CABIN1: variants seen among roughly 807,000 people sequenced by gnomAD.
CABIN1 encodes calcineurin binding protein 1, also known as calcineurin-binding protein cabin-1.
In CABIN1, 133 loss-of-function variants were observed where a neutral mutation model predicts 227.7. The observed-to-expected ratio is 0.58, with a 90% CI of 0.51 to 0.67. The LOEUF (loss-of-function observed/expected upper bound fraction) is 0.67, where lower values mean the gene tolerates loss of function less well. CABIN1 is among the 30% of genes least tolerant of loss of function. The pLI, the probability that CABIN1 is intolerant of heterozygous loss-of-function variation, is 0.00. For missense variants in CABIN1, 2,408 were observed against 2,852.5 expected (o/e 0.84, Z 3.55); for synonymous variants, 1,086 against 1,155.1 (o/e 0.94, Z 1.21).
intron 6 of CABIN1, among the ~76,000 whole-genome samples, chr22:24,045,685 C>G: frequency 6.6e-6 from 1 of 152,024 alleles, no homozygotes; most frequent in Non-Finnish European, 1.5e-5. Context: ...CACTTTCTGT[C>G]TTAGTTAGTT....
At chr22:24,016,421 T>C (rs1012673526) in intron 1 of CABIN1, among the ~76,000 whole-genome samples, 8 of 152,242 alleles carry the variant, frequency 5.3e-5, no homozygotes, top group African/African-American at 1.9e-4. Flanking sequence ...TTATGCATTA[T>C]TTTGAATTAT....
intron 29 of CABIN1, among the ~76,000 whole-genome samples, chr22:24,163,919 C>T (rs2046300421): frequency 6.6e-6 from 1 of 152,216 alleles, no homozygotes; most frequent in African/African-American, 2.4e-5. Flanking sequence ...ATCCCAGGAG[C>T]TGCAGATGAT....
intron 29 of CABIN1, among the ~76,000 whole-genome samples, chr22:24,148,879 C>T (rs1189359497): frequency 6.6e-6 from 1 of 152,236 alleles, no homozygotes; most frequent in Non-Finnish European, 1.5e-5. Context: ...GCGGCCATCC[C>T]AGAGAAGTCA....
At chr22:24,054,028 G>T (rs1220174482) in intron 8 of CABIN1, among the ~76,000 whole-genome samples, 2 of 152,198 alleles carry the variant, frequency 1.3e-5, no homozygotes, top group Admixed American at 1.3e-4. Context: ...CCAGCCCAAA[G>T]GCCCAGTGGC....
intron 26 of CABIN1, 94 bp downstream of exon 26, chr22:24,098,286 A>T (rs1426537914): frequency 2.5e-5 from 35 of 1,381,654 alleles, no homozygotes; most frequent in Admixed American, 1.2e-4. Context: ...CGTTTTGGTG[A>T]GGGGGGGTGC....
intron 29 of CABIN1, among the ~76,000 whole-genome samples, chr22:24,136,524 A>ATTTT (rs145864566): frequency 1.3e-4 from 9 of 69,878 alleles, no homozygotes; most frequent in African/African-American, 2.4e-4. Context: ...TAATTTTTGT[A>ATTTT]TTTTTTTTTT....
intron 18 of CABIN1, 81 bp downstream of exon 18, chr22:24,072,591 C>T: frequency 1.3e-6 from 2 of 1,531,546 alleles, no homozygotes; most frequent in South Asian, 2.3e-5. Flanking sequence ...GGTCCTGGAC[C>T]TTATCCAGAC....
chr22:24,169,793 A>G (rs1373760006), intron 33 of CABIN1, among the ~76,000 whole-genome samples: 1 of 152,168 alleles, frequency 6.6e-6, no homozygotes, highest in African/African-American at 2.4e-5. Context: ...AGATAGACCC[A>G]CACAGGAAAC....
chr22:24,105,827 G>A (rs910128429), intron 26 of CABIN1, among the ~76,000 whole-genome samples: 1 of 152,214 alleles, frequency 6.6e-6, no homozygotes, highest in Non-Finnish European at 1.5e-5. Context: ...TGCTCTATTA[G>A]GCGAGGCAGG....
intron 8 of CABIN1, among the ~76,000 whole-genome samples, chr22:24,052,376 CA>C (rs1210089719): frequency 6.6e-6 from 1 of 151,904 alleles, no homozygotes; most frequent in Admixed American, 6.6e-5. Flanking sequence ...TTCCGGGGGT[CA>C]GCAAAACTTT....
chr22:24,037,390 A>G (rs1368490637), intron 3 of CABIN1, among the ~76,000 whole-genome samples: 6 of 151,950 alleles, frequency 3.9e-5, no homozygotes, highest in Non-Finnish European at 5.9e-5. Flanking sequence ...GTAACCTCTA[A>G]CTCCTGGGCT....
chr22:24,100,475 C>T (rs1181720298), intron 26 of CABIN1, among the ~76,000 whole-genome samples: 3 of 152,234 alleles, frequency 2.0e-5, no homozygotes, highest in African/African-American at 7.2e-5. Flanking sequence ...CCTCAAGGGG[C>T]CACACTGCCC....
At chr22:24,112,126 G>A (rs551627449) in intron 26 of CABIN1, among the ~76,000 whole-genome samples, 2 of 152,288 alleles carry the variant, frequency 1.3e-5, no homozygotes, top group East Asian at 1.9e-4. Flanking sequence ...TGATTGATTT[G>A]TCTCTTGACG....
At chr22:24,166,584 C>T (rs1431035138) in intron 31 of CABIN1, 55 bp from the exon 32 acceptor site, 23 of 1,610,838 alleles carry the variant, frequency 1.4e-5, no homozygotes, top group Non-Finnish European at 2.0e-5. Context: ...CCAGAGGTGA[C>T]TCATTGCAGT....
At chr22:24,176,015 C>G in intron 34 of CABIN1, 96 bp from the exon 35 acceptor site, 1 of 1,414,434 alleles carries the variant, frequency 7.1e-7, no homozygotes, top group Non-Finnish European at 9.8e-7. Flanking sequence ...CCCAGTGTCC[C>G]AGGGCACAAC....
At chr22:24,125,722 C>T (rs2043681472) in intron 28 of CABIN1, among the ~76,000 whole-genome samples, 3 of 152,362 alleles carry the variant, frequency 2.0e-5, no homozygotes, top group Middle Eastern at 3.4e-3. Flanking sequence ...TGGTGGTGTG[C>T]CCTGCATCCT....
intron 17 of CABIN1, 50 bp downstream of exon 17, chr22:24,071,092 T>C (rs1306942957): frequency 1.2e-6 from 2 of 1,611,476 alleles, no homozygotes; most frequent in Admixed American, 3.3e-5. Context: ...GGTATGTCTC[T>C]GTGACATCCT....
At chr22:24,071,754 T>C (rs1486362489) in intron 17 of CABIN1, among the ~76,000 whole-genome samples, 2 of 152,172 alleles carry the variant, frequency 1.3e-5, no homozygotes, top group African/African-American at 2.4e-5. Flanking sequence ...TCCCTCCAGG[T>C]TGTGTGTCAC....
chr22:24,167,374 T>G, intron 32 of CABIN1, 61 bp downstream of exon 32: 8 of 1,534,008 alleles, frequency 5.2e-6, no homozygotes, highest in Non-Finnish European at 6.2e-6. Context: ...ACTCTTGCCT[T>G]TCTATCCTCA....
Sources: allele counts gnomAD v4.1 joint callset (sites outside exome capture counted in the v4.1 genomes callset), GRCh38; gene constraint gnomAD v4.1.1; transcripts MANE v1.5; gene names NCBI Gene and HGNC (gene_info 2026-07-23, HGNC 2026-07-21).